The following ARB2A variants were observed in gnomAD, a reference collection of about 807,000 sequenced individuals.
The protein encoded by ARB2A is cotranscriptional regulator ARB2A.
chr5:93,648,145 CAAAA>C, the ARB2A span, among the ~76,000 whole-genome samples: 6 of 83,500 alleles, frequency 7.2e-5, no homozygotes, highest in Admixed American at 2.3e-4. Context: ...GAACCTGTCT[CAAAA>C]AAAAAAAAAA....
At chr5:93,886,571 G>C in the ARB2A span, among the ~76,000 whole-genome samples, 1 of 151,580 alleles carries the variant, frequency 6.6e-6, no homozygotes, top group East Asian at 1.9e-4. Flanking sequence ...CTGTTTCCAA[G>C]AAGGGTATGT....
At chr5:93,958,079 A>G in the ARB2A span, among the ~76,000 whole-genome samples, 1 of 152,046 alleles carries the variant, frequency 6.6e-6, no homozygotes, top group Non-Finnish European at 1.5e-5. Context: ...TCAAACATTA[A>G]AATATGCCAA....
At chr5:93,827,797 T>C in the ARB2A span, among the ~76,000 whole-genome samples, 3 of 151,804 alleles carry the variant, frequency 2.0e-5, no homozygotes, top group African/African-American at 4.8e-5. Flanking sequence ...AGGGATCCAG[T>C]TTCAGCTTTC....
the ARB2A span, among the ~76,000 whole-genome samples, chr5:93,635,385 CT>C: frequency 1.3e-5 from 2 of 151,800 alleles, no homozygotes; most frequent in African/African-American, 4.8e-5. Context: ...TCTACTAAGC[CT>C]TCTTTGATTA....
chr5:94,092,578 C>A, the ARB2A span, among the ~76,000 whole-genome samples: 2 of 152,030 alleles, frequency 1.3e-5, no homozygotes, highest in East Asian at 1.9e-4. Flanking sequence ...CTGTAAATTT[C>A]TATAATGTTA....
the ARB2A span, among the ~76,000 whole-genome samples, chr5:93,770,595 C>G: frequency 6.6e-6 from 1 of 152,124 alleles, no homozygotes; most frequent in Non-Finnish European, 1.5e-5. Flanking sequence ...AGCTGATAAG[C>G]AACTTCAGCA....
At chr5:94,054,150 A>G in the ARB2A span, among the ~76,000 whole-genome samples, 1 of 152,214 alleles carries the variant, frequency 6.6e-6, no homozygotes, top group Non-Finnish European at 1.5e-5. Flanking sequence ...ACTTTCCCCT[A>G]TTAGTAACAT....
chr5:93,741,214 T>C, the ARB2A span: 1 of 1,613,886 alleles, frequency 6.2e-7, no homozygotes, highest in Admixed American at 1.7e-5. Context: ...CGAGATGTCC[T>C]CTGGCGGCGG....
At chr5:93,725,127 T>G in the ARB2A span, among the ~76,000 whole-genome samples, 1 of 152,042 alleles carries the variant, frequency 6.6e-6, no homozygotes, top group African/African-American at 2.4e-5. Flanking sequence ...TTTAATATTT[T>G]TTGGCCATGA....
the ARB2A span, among the ~76,000 whole-genome samples, chr5:93,878,457 G>A: frequency 6.6e-6 from 1 of 151,782 alleles, no homozygotes; most frequent in African/African-American, 2.4e-5. Flanking sequence ...GTACAAACAG[G>A]CTTTATTAGT....
the ARB2A span, among the ~76,000 whole-genome samples, chr5:93,711,988 TGA>T: frequency 6.6e-6 from 1 of 152,188 alleles, no homozygotes; most frequent in Non-Finnish European, 1.5e-5. Flanking sequence ...AGTGAGAGGC[TGA>T]GAGACTAGAT....
the ARB2A span, among the ~76,000 whole-genome samples, chr5:93,849,600 AG>A: frequency 6.6e-6 from 1 of 152,134 alleles, no homozygotes; most frequent in Admixed American, 6.6e-5. Context: ...AGTATGAATA[AG>A]ACTGAAAAAA....
At chr5:93,899,431 G>A in the ARB2A span, among the ~76,000 whole-genome samples, 1 of 151,926 alleles carries the variant, frequency 6.6e-6, no homozygotes, top group African/African-American at 2.4e-5. Context: ...TATATTAATG[G>A]AAGAAAAAAG....
the ARB2A span, among the ~76,000 whole-genome samples, chr5:94,024,622 A>T: frequency 1.3e-5 from 2 of 152,318 alleles, no homozygotes; most frequent in East Asian, 3.9e-4. Context: ...ACTAAGGGAA[A>T]TAATGTGTTA....
chr5:93,650,825 TAAAA>T, the ARB2A span, among the ~76,000 whole-genome samples: 1 of 127,544 alleles, frequency 7.8e-6, no homozygotes, highest in African/African-American at 2.9e-5. Flanking sequence ...CTTTCTCTAC[TAAAA>T]AAAAAAAAAA....
chr5:93,951,820 T>G, the ARB2A span, among the ~76,000 whole-genome samples: 4 of 152,058 alleles, frequency 2.6e-5, no homozygotes, highest in Admixed American at 6.6e-5. Flanking sequence ...ATGTACCCCA[T>G]AAATATATAC....
the ARB2A span, among the ~76,000 whole-genome samples, chr5:93,844,417 C>G: frequency 6.6e-6 from 1 of 151,522 alleles, no homozygotes; most frequent in Non-Finnish European, 1.5e-5. Flanking sequence ...GCACTCCAGC[C>G]TGGGGTAGAG....
At chr5:93,766,425 G>A in the ARB2A span, among the ~76,000 whole-genome samples, 2 of 152,052 alleles carry the variant, frequency 1.3e-5, no homozygotes, top group African/African-American at 4.8e-5. Context: ...GCAGCCAAAA[G>A]ACACATGAAA....
At chr5:93,873,188 A>T in the ARB2A span, among the ~76,000 whole-genome samples, 2 of 151,682 alleles carry the variant, frequency 1.3e-5, no homozygotes, top group African/African-American at 4.9e-5. Context: ...GCTACTTGGA[A>T]GGCTGAGGCA....
Sources: allele counts gnomAD v4.1 joint callset (sites outside exome capture counted in the v4.1 genomes callset), GRCh38; gene constraint gnomAD v4.1.1; transcripts MANE v1.5; gene names NCBI Gene and HGNC (gene_info 2026-07-23, HGNC 2026-07-21).